USP37: variants seen among roughly 807,000 people sequenced by gnomAD.
USP37 encodes ubiquitin carboxyl-terminal hydrolase 37.
In USP37, 27 loss-of-function variants were observed where a neutral mutation model predicts 124.0. That is an observed-to-expected ratio of 0.22 (90% CI 0.16 to 0.30). The LOEUF is 0.30. Among genes scored for constraint, USP37 ranks in the 10% least tolerant of loss-of-function variants. USP37 has a pLI of 1.00. For missense variants in USP37, 889 were observed against 1,140.4 expected, an observed-to-expected ratio of 0.78 and a Z score of 3.17; for synonymous variants, 365 against 388.0, an observed-to-expected ratio of 0.94 and a Z score of 0.70.
rs1689145940 is a variant in USP37 at position 218,497,551 on chromosome 2, G to A, written c.1281+183C>T. ...TGGGATTACAGGCGCATGCCACCAC[G>A]CCTGGCTAATTTTTGTATTTTTAGT... On this transcript the variant is annotated intron_variant, in intron 13 of 25. Coordinates refer to ENST00000258399, the MANE Select transcript of USP37 (RefSeq NM_020935.3). 4.6e-5 allele frequency among the ~76,000 whole-genome samples: 7 copies of A among 150,616 alleles called. No individual in the cohort carries two copies. The South Asian group carries it at 1.5e-3, about 32-fold the overall frequency.
rs548354461 is a variant in USP37 at position 218,546,790 on chromosome 2, T to C, written c.602+129A>G. ...ACTGACATAAACTACATATGACAAATACTTGTAATCATTACATCTACCAAA... is the reference window on the plus strand; with the variant it reads ...ACTGACATAAACTACATATGACAAACACTTGTAATCATTACATCTACCAAA... On this transcript the variant is annotated intron_variant, in intron 7 of 25. Transcript: ENST00000258399. 1.4e-5 allele frequency: 14 copies of C among 1,026,800 alleles called. No individual in the cohort carries two copies. The South Asian group carries it at 1.9e-4, about 14-fold the overall frequency. 63.6% of individuals were successfully genotyped at this position (1,026,800 alleles called of 1,614,324 possible).
intron 11 of USP37, among the ~76,000 whole-genome samples, chr2:218,499,388 G>A (rs1191542715): frequency 2.0e-5 from 3 of 152,032 alleles, no homozygotes; most frequent in East Asian, 1.9e-4. Context: ...CTTCTGTAAT[G>A]TGCACTTCAT....
intron 19 of USP37, among the ~76,000 whole-genome samples, chr2:218,475,666 G>A (rs1300142945): frequency 1.3e-5 from 2 of 152,200 alleles, no homozygotes; most frequent in Non-Finnish European, 2.9e-5. Flanking sequence ...GGAGGTGGAG[G>A]ATGCAGCAAG....
intron 8 of USP37, among the ~76,000 whole-genome samples, chr2:218,541,858 T>C (rs1360086706): frequency 6.6e-6 from 1 of 151,968 alleles, no homozygotes; most frequent in African/African-American, 2.4e-5. Context: ...TCCATCAGAG[T>C]CTCTAAGATC....
intron 2 of USP37, among the ~76,000 whole-genome samples, chr2:218,561,132 C>T (rs1693290073): frequency 6.6e-6 from 1 of 152,184 alleles, no homozygotes; most frequent in South Asian, 2.1e-4. Flanking sequence ...GCTACAGAAA[C>T]TTGAGCCAGC....
chr2:218,546,089 A>ACC (rs758698232), intron 8 of USP37, 132 bp downstream of exon 8: 95 of 735,400 alleles, frequency 1.3e-4, no homozygotes, highest in Middle Eastern at 2.5e-4. Context: ...TCACCAAACT[A>ACC]CTTTACATTC....
intron 15 of USP37, 147 bp from the exon 16 acceptor site, chr2:218,485,890 T>C: frequency 2.6e-6 from 2 of 774,958 alleles, no homozygotes; most frequent in Admixed American, 2.9e-5. Context: ...GCCATGAGCC[T>C]TACCAAATTA....
At chr2:218,496,585 G>A (rs1180676732) in intron 13 of USP37, among the ~76,000 whole-genome samples, 1 of 13,516 alleles carries the variant, frequency 7.4e-5, no homozygotes, top group Non-Finnish European at 1.9e-4. Context: ...TCCTTGCACT[G>A]GTAAATCAAA....
intron 14 of USP37, among the ~76,000 whole-genome samples, chr2:218,492,586 CAA>C (rs1278043414): frequency 6.6e-6 from 1 of 152,144 alleles, no homozygotes; most frequent in African/African-American, 2.4e-5. Flanking sequence ...ACAATTCAAA[CAA>C]GAGATGATAG....
At chr2:218,547,939 A>G (rs771866884) in intron 6 of USP37, among the ~76,000 whole-genome samples, 1 of 152,246 alleles carries the variant, frequency 6.6e-6, no homozygotes, top group Non-Finnish European at 1.5e-5. Context: ...GTTAAGTTTT[A>G]TATCTCTACA....
intron 22 of USP37, among the ~76,000 whole-genome samples, chr2:218,460,476 T>C (rs1204516657): frequency 6.6e-6 from 1 of 152,148 alleles, no homozygotes; most frequent in East Asian, 1.9e-4. Flanking sequence ...CTAACCCTTA[T>C]AAGAAAGATA....
At position 218,495,440 on chromosome 2, in the gene USP37, C is replaced by T. The variant is rs551847040; in HGVS notation, c.1472+320G>A. ...TACAGGCATGAGCCACTGTGCCCAG[C>T]CCAAGCATTTCTATAGAAAAAGACT... On this transcript the variant is annotated intron_variant, in intron 14 of 25. Coordinates refer to ENST00000258399, the MANE Select transcript of USP37 (RefSeq NM_020935.3). Among the ~76,000 whole-genome samples, 15 of 152,270 alleles carry T rather than the reference C, an allele frequency of 9.9e-5. No individual in the cohort carries two copies. The South Asian group carries it at 1.2e-3, about 13-fold the overall frequency.
chr2:218,461,223 T>C (rs1289303666), intron 22 of USP37, among the ~76,000 whole-genome samples: 1 of 151,968 alleles, frequency 6.6e-6, no homozygotes, highest in African/African-American at 2.4e-5. Flanking sequence ...TATCTAAGAA[T>C]GAAGCCAGGC....
At chr2:218,559,849 G>A (rs1464772722) in intron 3 of USP37, among the ~76,000 whole-genome samples, 1 of 152,066 alleles carries the variant, frequency 6.6e-6, no homozygotes, top group Non-Finnish European at 1.5e-5. Flanking sequence ...GCATGGTCAT[G>A]TGCTCCTGTA....
intron 19 of USP37, among the ~76,000 whole-genome samples, chr2:218,476,635 T>A (rs554682473): frequency 6.6e-6 from 1 of 152,184 alleles, no homozygotes; most frequent in Non-Finnish European, 1.5e-5. Flanking sequence ...AAAAGTAGCT[T>A]TGAAGGGCAA....
chr2:218,523,209 G>A (rs927081732), intron 10 of USP37, among the ~76,000 whole-genome samples: 2 of 152,092 alleles, frequency 1.3e-5, no homozygotes, highest in Non-Finnish European at 2.9e-5. Flanking sequence ...GTTGCAGTGA[G>A]CCAGGATTGT....
At chr2:218,456,831 G>A (rs564951153) in intron 24 of USP37, among the ~76,000 whole-genome samples, 60 of 152,070 alleles carry the variant, frequency 3.9e-4, no homozygotes, top group African/African-American at 1.3e-3. Flanking sequence ...TTAGCTGGGC[G>A]TGGTGGTGCA....
rs369443808 is a variant in USP37 at position 218,463,322 on chromosome 2, G to A, written c.2511C>T (p.Thr837=). ...QKEDDDLKRA[T]ELSLQEFNNS... is the part of the protein sequence containing the mutation. Reference sequence around the variant, plus strand: ...TCTCCACACCTTGAAGACTTAACTCGGTAGCTCTTTTGAGGTCATCATCTT... The same window carrying A: ...TCTCCACACCTTGAAGACTTAACTCAGTAGCTCTTTTGAGGTCATCATCTT... Residue 837 remains threonine (T), a synonymous_variant, in exon 22 of 26, where the codon ACC becomes ACT. Coordinates refer to ENST00000258399, the MANE Select transcript of USP37 (RefSeq NM_020935.3). 26 of 1,612,792 alleles carry A rather than the reference G, an allele frequency of 1.6e-5. No individual in the cohort carries two copies. Among genetic ancestry groups the A allele is most frequent in the Admixed American group, 3.3e-5 (2 of 59,814 alleles).
At chr2:218,488,633 TACTTA>T (rs910767404) in intron 14 of USP37, among the ~76,000 whole-genome samples, 4 of 152,190 alleles carry the variant, frequency 2.6e-5, no homozygotes, top group Admixed American at 6.5e-5. Flanking sequence ...TTAAGTACTT[TACTTA>T]AATCTTTTTT....
Sources: gnomAD v4.1 joint callset for allele counts (sites outside exome capture counted in the v4.1 genomes callset) on GRCh38, gnomAD v4.1.1 for gene constraint, MANE v1.5 for transcripts, NCBI Gene and HGNC (gene_info 2026-07-23, HGNC 2026-07-21) for gene names.